SPPL2A: variants seen among roughly 807,000 people sequenced by gnomAD.
SPPL2A encodes the protein signal peptide peptidase like 2A, also known as signal peptide peptidase-like 2A.
Under a neutral mutation model 63.8 loss-of-function variants are expected in SPPL2A, and 51 were observed. That is an observed-to-expected ratio of 0.80 (90% CI 0.64 to 1.01). SPPL2A has a LOEUF of 1.01. SPPL2A is among the 50% of genes least tolerant of loss of function. The pLI is 0.00. For missense variants in SPPL2A, 553 were observed against 622.7 expected, an observed-to-expected ratio of 0.89 and a Z score of 1.19; for synonymous variants, 188 against 205.8, an observed-to-expected ratio of 0.91 and a Z score of 0.74.
At chr15:50,722,339 C>T (rs1312698825) in intron 12 of SPPL2A, 138 bp from the exon 13 acceptor site, 2 of 532,614 alleles carry the variant, frequency 3.8e-6, no homozygotes, top group Admixed American at 3.1e-5. Context: ...AAATTCTTGA[C>T]AAAATTTTAT....
In SPPL2A at chr15:50,719,949, G is replaced by A; in HGVS notation, c.1479C>T (p.Asn493=). Residue 493 remains asparagine, a synonymous_variant, in exon 14 of 15, where the codon AAC becomes AAT. Transcript: ENST00000261854. ...RKEMKKFWKG[N]SYQMMDHLDC... ...AAGTATAAGCACATACCTGATAGCT[G>A]TTACCTTTCCAGAACTTTTTCATTT... 1 of 1,611,350 alleles carries A rather than the reference G, an allele frequency of 6.2e-7. No individual in the cohort carries two copies. The highest frequency in any genetic ancestry group is 8.5e-7 in the Non-Finnish European group (1 of 1,178,972).
In SPPL2A at chr15:50,722,146, T is replaced by C. The variant is rs1364296736; in HGVS notation, c.1305A>G (p.Ile435Met). 2 of 1,591,630 alleles carry C rather than the reference T, an allele frequency of 1.3e-6. No homozygotes were observed. The highest frequency in any genetic ancestry group is 1.7e-4 in the Middle Eastern group (1 of 6,022). Residue 435 changes from isoleucine (I) to methionine (M), a missense_variant, in exon 13 of 15, where the codon ATA (isoleucine) becomes ATG (methionine). Transcript: ENST00000261854. ...TACCAACTGTAGACGAAACATAGTA[T>C]ATGTAAGAAGAACCAGTCTGAACAT... ...RFDVQTGSSYIYYVSSTVAYA... is the reference protein window; with the variant it reads ...RFDVQTGSSYMYYVSSTVAYA...
At chr15:50,709,776 A>G (rs1180087406) in intron 14 of SPPL2A, among the ~76,000 whole-genome samples, 1 of 152,014 alleles carries the variant, frequency 6.6e-6, no homozygotes, top group Admixed American at 6.6e-5. Context: ...GGCAATAGAG[A>G]GAGAGACCCT....
At chr15:50,712,679 C>CTT (rs1555440537) in intron 14 of SPPL2A, among the ~76,000 whole-genome samples, 36 of 102,932 alleles carry the variant, frequency 3.5e-4, no homozygotes, top group African/African-American at 6.3e-4. Context: ...CTCCCCCCCC[C>CTT]TTTTTTTTTT....
rs776605088 is a variant in SPPL2A at position 50,731,004 on chromosome 15, A to G, written c.1050T>C (p.Tyr350=). ...GTGTTATGAAAACAAAAAATACATC[A>G]TAGAGGAGGAGAAGGCCTAGAAGTA... ...CVILLGLLLL[Y]DVFFVFITPF... Residue 350 remains tyrosine, a synonymous_variant, in exon 10 of 15, where the codon TAT becomes TAC. Transcript: ENST00000261854. 4.6e-6 allele frequency: 7 copies of G among 1,522,276 alleles called. No individual in the cohort carries two copies. Among genetic ancestry groups the G allele is most frequent in the South Asian group, 1.1e-5 (1 of 88,400 alleles). 94.3% of individuals were successfully genotyped at this position (1,522,276 alleles called of 1,614,324 possible).
At chr15:50,728,438 G>A (rs1471402562) in intron 10 of SPPL2A, among the ~76,000 whole-genome samples, 1 of 147,084 alleles carries the variant, frequency 6.8e-6, no homozygotes. Flanking sequence ...CTGCCTCCTG[G>A]GTTCACGCCA....
intron 1 of SPPL2A, among the ~76,000 whole-genome samples, chr15:50,754,421 C>T (rs12904353): frequency 0.089 from 13,492 of 152,224 alleles, 745 homozygotes; most frequent in South Asian, 0.15. Context: ...AGTGCTCTAC[C>T]TACTTTCTTT....
chr15:50,735,235 T>G (rs758068025), intron 8 of SPPL2A, among the ~76,000 whole-genome samples: 4 of 152,120 alleles, frequency 2.6e-5, no homozygotes, highest in Non-Finnish European at 4.4e-5. Flanking sequence ...CTGACTACTT[T>G]CACTTGGCAT....
chr15:50,702,958 G>A lies in SPPL2A; in HGVS notation c.*4842C>T, dbSNP rs903270365. On this transcript the variant is annotated 3_prime_UTR_variant, in exon 15 of 15. Transcript: ENST00000261854. Reference sequence around the variant, plus strand: ...CTAGCATATGAGTATTACAGTAGAGGATCAAATTCCAAAAGGTTGAGTAAT... The same window carrying A: ...CTAGCATATGAGTATTACAGTAGAGAATCAAATTCCAAAAGGTTGAGTAAT... 6.6e-6 allele frequency: 1 copy of A among 151,964 alleles called. No homozygotes were observed. Among genetic ancestry groups the A allele is most frequent in the African/African-American group, 2.4e-5 (1 of 41,358 alleles). The allele number at this position is 151,964 out of a possible 1,614,324, so 9.4% of individuals were successfully genotyped here. A position where few individuals can be genotyped will look rare whatever the true frequency, so the allele number is the denominator to read the frequency against.
chr15:50,717,301 A>G (rs1364151531), intron 14 of SPPL2A, among the ~76,000 whole-genome samples: 2 of 152,070 alleles, frequency 1.3e-5, no homozygotes, highest in African/African-American at 2.4e-5. Flanking sequence ...CAGGCTCCCG[A>G]GCAGCTAGGA....
Position 50,723,642 on chromosome 15 carries a change from AT to A in SPPL2A, c.1250-1442del, listed in dbSNP as rs538196403. Among the ~76,000 whole-genome samples the A allele has an allele frequency of 2.8e-3, 432 of 152,066 alleles. 3 individuals are homozygous for A. The highest frequency in any genetic ancestry group is 0.01 in the African/African-American group (423 of 41,498). ...GGGCGTGTGCTAACACACACAGCTA[AT>A]TTTTGTATTTTTAGTAGAGATGGGG... On this transcript the variant is annotated intron_variant, in intron 12 of 14. Transcript: ENST00000261854.
chr15:50,719,674 GA>G (rs1424650200), intron 14 of SPPL2A, among the ~76,000 whole-genome samples: 1 of 151,486 alleles, frequency 6.6e-6, no homozygotes, highest in African/African-American at 2.4e-5. Context: ...TGTAGGTTTT[GA>G]AAATACATGT....
intron 1 of SPPL2A, among the ~76,000 whole-genome samples, chr15:50,763,558 C>G (rs1018710934): frequency 6.6e-6 from 1 of 152,098 alleles, no homozygotes; most frequent in African/African-American, 2.4e-5. Flanking sequence ...ATATAGAACC[C>G]GAGATTACCA....
chr15:50,748,061 TAAAG>T, intron 4 of SPPL2A, 48 bp downstream of exon 4: 1 of 725,120 alleles, frequency 1.4e-6, no homozygotes, highest in African/African-American at 1.9e-5. Context: ...TGATTAAAAA[TAAAG>T]AGATACAGTA....
intron 10 of SPPL2A, among the ~76,000 whole-genome samples, chr15:50,728,206 C>T (rs2062701103): frequency 6.6e-6 from 1 of 152,132 alleles, no homozygotes; most frequent in African/African-American, 2.4e-5. Context: ...TATGGATTAT[C>T]TGTTGATTTA....
At position 50,749,616 on chromosome 15, in the gene SPPL2A, A is replaced by T; in HGVS notation, c.177+20T>A. 7.1e-7 allele frequency: 1 copy of T among 1,407,064 alleles called. No homozygotes were observed. The highest frequency in any genetic ancestry group is 1.0e-6 in the Non-Finnish European group (1 of 991,404). The allele number at this position is 1,407,064 out of a possible 1,614,324, so 87.2% of individuals were successfully genotyped here. Reference sequence around the variant, plus strand: ...CTTCACTATTTTTATGTTTATGAATAGTAACTGTGATTTACTTACTGCATT... The same window carrying T: ...CTTCACTATTTTTATGTTTATGAATTGTAACTGTGATTTACTTACTGCATT... On this transcript the variant is annotated intron_variant, in intron 2 of 14. Transcript: ENST00000261854.
intron 10 of SPPL2A, among the ~76,000 whole-genome samples, chr15:50,729,996 T>A (rs932124247): frequency 6.1e-5 from 9 of 146,996 alleles, no homozygotes; most frequent in African/African-American, 1.5e-4. Context: ...CTCGGCCTTT[T>A]AAAAAAAAAG....
chr15:50,727,998 G>T (rs62018801), intron 10 of SPPL2A, among the ~76,000 whole-genome samples: 4,340 of 152,270 alleles, frequency 0.029, 77 homozygotes, highest in Middle Eastern at 0.1. Flanking sequence ...AAGAAAGAAG[G>T]CTAAAAGACA....
rs140174698 is a variant in SPPL2A at position 50,725,330 on chromosome 15, A to AAAAAC, written c.1147-12_1147-8dup. ...CTCTGATGACTACTGGCAACTGTTC[A>AAAAAC]AAAACAAAACAAAACAAAACAAAAC... On this transcript the variant is annotated splice_polypyrimidine_tract_variant and splice_region_variant and intron_variant, in intron 11 of 14. Coordinates refer to ENST00000261854, the MANE Select transcript of SPPL2A (RefSeq NM_032802.4). 1,352 of 1,241,732 alleles carry AAAAAC rather than the reference A, an allele frequency of 1.1e-3. 2 individuals are homozygous for AAAAAC. The highest frequency in any genetic ancestry group is 4.3e-3 in the African/African-American group (271 of 63,428). The allele number at this position is 1,241,732 out of a possible 1,614,324, so 76.9% of individuals were successfully genotyped here.
Sources: gnomAD v4.1 joint callset for allele counts (sites outside exome capture counted in the v4.1 genomes callset) on GRCh38, gnomAD v4.1.1 for gene constraint, MANE v1.5 for transcripts, NCBI Gene and HGNC (gene_info 2026-07-23, HGNC 2026-07-21) for gene names.